Variants in TMEM178B observed in about 807,000 individuals in gnomAD.
TMEM178B encodes the protein transmembrane protein 178B.
TMEM178B carries 5 observed loss-of-function variants against 31.0 expected under a neutral mutation model. The observed-to-expected ratio is 0.16, with a 90% confidence interval of 0.08 to 0.34. The LOEUF (loss-of-function observed/expected upper bound fraction) is 0.34. Among genes scored for constraint, TMEM178B ranks in the 10% least tolerant of loss-of-function variants. The pLI, the probability that TMEM178B is intolerant of heterozygous loss-of-function variation, is 1.00. For synonymous variants in TMEM178B, 164 were observed against 164.0 expected (o/e 1.00, Z 0.00); for missense variants, 275 against 400.3 (o/e 0.69, Z 2.67).
intron 1 of TMEM178B, among the ~76,000 whole-genome samples, chr7:141,137,685 C>T (rs1050057364): frequency 2.0e-5 from 3 of 152,030 alleles, no homozygotes; most frequent in Admixed American, 2.0e-4. Flanking sequence ...TTGAATAATT[C>T]CAATACAAAG....
At chr7:141,140,170 G>T (rs1795747919) in intron 1 of TMEM178B, among the ~76,000 whole-genome samples, 1 of 152,110 alleles carries the variant, frequency 6.6e-6, no homozygotes, top group South Asian at 2.1e-4. Flanking sequence ...CTTGTTTATG[G>T]CACTTCAGGC....
At chr7:141,170,436 G>T (rs548354855) in intron 1 of TMEM178B, among the ~76,000 whole-genome samples, 1 of 151,998 alleles carries the variant, frequency 6.6e-6, no homozygotes, top group Non-Finnish European at 1.5e-5. Flanking sequence ...TGTTGTGACC[G>T]GCCATGAGAT....
intron 1 of TMEM178B, among the ~76,000 whole-genome samples, chr7:141,144,545 A>T (rs1795821867): frequency 6.6e-6 from 1 of 152,180 alleles, no homozygotes; most frequent in Non-Finnish European, 1.5e-5. Context: ...GGGCTGATGG[A>T]GTGCTCTCCT....
intron 2 of TMEM178B, among the ~76,000 whole-genome samples, chr7:141,235,412 T>C (rs1797512517): frequency 6.6e-6 from 1 of 152,224 alleles, no homozygotes; most frequent in South Asian, 2.1e-4. Context: ...AATTACTGCA[T>C]ATACTCTAAG....
At chr7:141,489,588 T>A in the TMEM178B span, among the ~76,000 whole-genome samples, 1 of 152,074 alleles carries the variant, frequency 6.6e-6, no homozygotes, top group Non-Finnish European at 1.5e-5. Context: ...ACTCCCTTCA[T>A]GTGTGTCTCT....
At chr7:141,460,677 C>G (rs958896541) in intron 3 of TMEM178B, among the ~76,000 whole-genome samples, 1 of 152,242 alleles carries the variant, frequency 6.6e-6, no homozygotes, top group African/African-American at 2.4e-5. Context: ...AAGCTCACAC[C>G]TGGGTGCAGA....
intron 2 of TMEM178B, among the ~76,000 whole-genome samples, chr7:141,300,371 G>T (rs2116439994): frequency 6.6e-6 from 1 of 152,256 alleles, no homozygotes; most frequent in East Asian, 1.9e-4. Context: ...ATCAAGCAAT[G>T]GTAGTCCTCA....
At chr7:141,374,172 T>C (rs1800169500) in intron 2 of TMEM178B, among the ~76,000 whole-genome samples, 1 of 152,164 alleles carries the variant, frequency 6.6e-6, no homozygotes, top group Non-Finnish European at 1.5e-5. Flanking sequence ...TCCTTCTTCA[T>C]AGCCTTGTGG....
chr7:141,437,308 A>G (rs1801563805), intron 2 of TMEM178B, among the ~76,000 whole-genome samples: 1 of 152,220 alleles, frequency 6.6e-6, no homozygotes. Context: ...AGATAGATAT[A>G]TAGCTAGGCA....
At chr7:141,364,568 G>A (rs1799971594) in intron 2 of TMEM178B, among the ~76,000 whole-genome samples, 1 of 149,478 alleles carries the variant, frequency 6.7e-6, no homozygotes, top group Non-Finnish European at 1.5e-5. Flanking sequence ...GCTGAGGCAG[G>A]AGAATTGCTT....
intron 2 of TMEM178B, 133 bp downstream of exon 2, chr7:141,212,837 A>G: frequency 1.4e-6 from 1 of 690,586 alleles, no homozygotes; most frequent in Non-Finnish European, 2.4e-6. Context: ...ATAAAGTGCC[A>G]ATATCTTTGG....
At chr7:141,096,997 G>A (rs1794970654) in intron 1 of TMEM178B, among the ~76,000 whole-genome samples, 1 of 151,944 alleles carries the variant, frequency 6.6e-6, no homozygotes, top group South Asian at 2.1e-4. Context: ...GGCTGAGGTG[G>A]GAGGATCATC....
At chr7:141,097,282 T>C (rs1056064521) in intron 1 of TMEM178B, among the ~76,000 whole-genome samples, 1 of 140,690 alleles carries the variant, frequency 7.1e-6, no homozygotes, top group Non-Finnish European at 1.5e-5. Flanking sequence ...GGCAGGAGAA[T>C]GGCGTGAACC....
At chr7:141,302,190 G>A (rs1798738992) in intron 2 of TMEM178B, among the ~76,000 whole-genome samples, 1 of 152,164 alleles carries the variant, frequency 6.6e-6, no homozygotes, top group Non-Finnish European at 1.5e-5. Context: ...ATTTTAAAAT[G>A]CAAAGATTCA....
chr7:141,284,502 T>C (rs755980047), intron 2 of TMEM178B, among the ~76,000 whole-genome samples: 1 of 152,240 alleles, frequency 6.6e-6, no homozygotes, highest in Non-Finnish European at 1.5e-5. Context: ...TTTTTATTTG[T>C]CTTGCAGACT....
chr7:141,501,729 C>T, the TMEM178B span, among the ~76,000 whole-genome samples: 1 of 152,200 alleles, frequency 6.6e-6, no homozygotes. Flanking sequence ...CCTCTGGACT[C>T]AAGTCGCAAC....
chr7:141,109,573 C>T (rs867189221), intron 1 of TMEM178B, among the ~76,000 whole-genome samples: 3 of 152,210 alleles, frequency 2.0e-5, no homozygotes, highest in Non-Finnish European at 2.9e-5. Flanking sequence ...GTTTCCTTTG[C>T]TAGATTGTAA....
intron 2 of TMEM178B, among the ~76,000 whole-genome samples, chr7:141,281,403 T>C (rs1008742281): frequency 6.6e-6 from 1 of 152,132 alleles, no homozygotes; most frequent in Non-Finnish European, 1.5e-5. Context: ...GGTTTAAAAA[T>C]ATCCTTTTGA....
chr7:141,163,524 T>C (rs1220257967), intron 1 of TMEM178B, among the ~76,000 whole-genome samples: 1 of 151,928 alleles, frequency 6.6e-6, no homozygotes, highest in Non-Finnish European at 1.5e-5. Context: ...TTTTTTTTTT[T>C]TTTTTTGAGA....
Sources: gnomAD v4.1 joint callset for allele counts (sites outside exome capture counted in the v4.1 genomes callset) on GRCh38, gnomAD v4.1.1 for gene constraint, MANE v1.5 for transcripts, NCBI Gene and HGNC (gene_info 2026-07-23, HGNC 2026-07-21) for gene names.